Variants in ABI3BP observed in about 807,000 individuals in gnomAD.
ABI3BP encodes ABI family member 3 binding protein, also known as target of Nesh-SH3.
Under a neutral mutation model 268.6 loss-of-function variants are expected in ABI3BP, and 216 were observed. The observed-to-expected ratio is 0.80, with a 90% CI of 0.72 to 0.90. The LOEUF (loss-of-function observed/expected upper bound fraction) is 0.90. Among genes scored for constraint, ABI3BP ranks in the 40% least tolerant of loss-of-function variants. The pLI is 0.00. For synonymous variants in ABI3BP, 730 were observed against 730.0 expected (o/e 1.00, Z 0.00); for missense variants, 2,090 against 2,182.4 (o/e 0.96, Z 0.84).
At chr3:100,751,090 A>T (rs569337029) in intron 67 of ABI3BP, among the ~76,000 whole-genome samples, 1 of 152,174 alleles carries the variant, frequency 6.6e-6, no homozygotes, top group Non-Finnish European at 1.5e-5. Context: ...CTTGGTGCCA[A>T]TGGGTCTTTA....
At chr3:100,853,375 C>A (rs563066230) in intron 14 of ABI3BP, among the ~76,000 whole-genome samples, 1 of 152,082 alleles carries the variant, frequency 6.6e-6, no homozygotes, top group African/African-American at 2.4e-5. Context: ...CAAAAGTGCC[C>A]GCAATTTCTG....
chr3:100,795,840 C>T lies in ABI3BP; in HGVS notation c.3829G>A (p.Val1277Ile), dbSNP rs532476362. 2.6e-4 allele frequency: 331 copies of T among 1,287,706 alleles called. No individual in the cohort carries two copies. Among genetic ancestry groups the T allele is most frequent in the Admixed American group, 3.2e-4 (14 of 43,242 alleles). The allele number at this position is 1,287,706 out of a possible 1,614,324, so 79.8% of individuals were successfully genotyped here. ...VSQSEPVLQP[V>I]TFRFEPPKTT... ...TTTGGTGGCTCAAATCTAAAGGTAA[C>T]AGGCTGCAGAACTATGCCAAAAGCA... Residue 1277 changes from valine to isoleucine, a missense_variant, in exon 53 of 68, where the codon GTT (valine) becomes ATT (isoleucine). By Grantham distance (29) the Val-to-Ile change is conservative. Coordinates refer to ENST00000471714, the MANE Select transcript of ABI3BP (RefSeq NM_001375547.2).
chr3:100,918,004 TG>T (rs2059157055), intron 2 of ABI3BP, among the ~76,000 whole-genome samples: 1 of 152,142 alleles, frequency 6.6e-6, no homozygotes, highest in Non-Finnish European at 1.5e-5. Context: ...AAATCCCCTT[TG>T]AAGCTGAAGT....
At chr3:100,979,201 C>G (rs1471308019) in intron 1 of ABI3BP, among the ~76,000 whole-genome samples, 1 of 152,154 alleles carries the variant, frequency 6.6e-6, no homozygotes, top group Non-Finnish European at 1.5e-5. Flanking sequence ...CTTTGCTTCT[C>G]CATATACTGA....
chr3:100,759,059 T>C (rs2095799422), intron 63 of ABI3BP, among the ~76,000 whole-genome samples: 2 of 152,214 alleles, frequency 1.3e-5, no homozygotes, highest in South Asian at 4.1e-4. Flanking sequence ...TTTAATAAAC[T>C]TTTTAGTTAC....
intron 63 of ABI3BP, among the ~76,000 whole-genome samples, chr3:100,755,858 G>T (rs139974728): frequency 6.6e-6 from 1 of 152,080 alleles, no homozygotes; most frequent in Non-Finnish European, 1.5e-5. Flanking sequence ...GATAAATTTC[G>T]TCTTTGAGAA....
intron 20 of ABI3BP, chr3:100,843,741 A>G (rs1175345319): frequency 9.2e-6 from 9 of 982,668 alleles, no homozygotes; most frequent in Non-Finnish European, 1.1e-5. Context: ...TACATGAAAT[A>G]CAATAAATAT....
Position 100,864,074 on chromosome 3 carries a change from G to A in ABI3BP, c.1066C>T (p.Leu356Phe). 1 of 1,535,098 alleles carries A rather than the reference G, an allele frequency of 6.5e-7. No individual in the cohort carries two copies. The highest frequency in any genetic ancestry group is 8.7e-7 in the Non-Finnish European group (1 of 1,145,878). The change falls in exon 12 of 68, where the codon CTC (leucine) becomes TTC (phenylalanine). Residue 356 changes from leucine (L) to phenylalanine (F), a missense_variant and splice_region_variant. Transcript: ENST00000471714. ...AATGTTTCCGGGGTCCTTTTGCTGA[G>A]AACTACAATAAAAAAGAGTGCAGTT... ...ALDVSETTLVLSKRTPETLQT... is the reference protein window; with the variant it reads ...ALDVSETTLVFSKRTPETLQT...
intron 51 of ABI3BP, among the ~76,000 whole-genome samples, chr3:100,800,213 CT>C (rs34125273): frequency 0.34 from 48,983 of 143,652 alleles, 9,474 homozygotes; most frequent in African/African-American, 0.6. Flanking sequence ...GGCTATTAAT[CT>C]TTTTTTTTTT....
chr3:100,993,190 T>G, intron 1 of ABI3BP, 116 bp downstream of exon 1: 1 of 695,658 alleles, frequency 1.4e-6, no homozygotes. Context: ...ACTTTGAATC[T>G]CTGCAGAATA....
chr3:100,802,481 AG>A (rs2097560637), intron 51 of ABI3BP, among the ~76,000 whole-genome samples: 1 of 152,184 alleles, frequency 6.6e-6, no homozygotes, highest in Admixed American at 6.6e-5. Flanking sequence ...TGTGGAGAAA[AG>A]CCACTTTCAT....
At chr3:100,910,525 A>C in intron 2 of ABI3BP, among the ~76,000 whole-genome samples, 2 of 151,756 alleles carry the variant, frequency 1.3e-5, no homozygotes. Context: ...TTTCTTTCCT[A>C]TTCTTGCTTT....
intron 46 of ABI3BP, 56 bp downstream of exon 46, chr3:100,812,411 T>G (rs2097883867): frequency 8.6e-7 from 1 of 1,161,220 alleles, no homozygotes; most frequent in African/African-American, 1.6e-5. Flanking sequence ...AGAGATGACT[T>G]TGCAATGAGA....
In ABI3BP at chr3:100,849,423, C is replaced by T. The variant is rs182720899; in HGVS notation, c.1502-548G>A. Among the ~76,000 whole-genome samples, 408 of 152,006 alleles carry T rather than the reference C, an allele frequency of 2.7e-3. 3 individuals are homozygous for T. The highest frequency in any genetic ancestry group is 3.8e-3 in the Non-Finnish European group (255 of 67,968). ...ATTTTGACTAGAGATGGGATTTCAC[C>T]ATTTTGGCCATGCTGGTCTTGAACT... On this transcript the variant is annotated intron_variant, in intron 17 of 67. Coordinates refer to ENST00000471714, the MANE Select transcript of ABI3BP (RefSeq NM_001375547.2).
chr3:100,804,340 A>T (rs749828960), intron 51 of ABI3BP, among the ~76,000 whole-genome samples: 2 of 152,208 alleles, frequency 1.3e-5, no homozygotes, highest in Non-Finnish European at 2.9e-5. Context: ...TTTGTAAAAT[A>T]GAATAGTGAC....
chr3:100,774,693 A>C lies in ABI3BP; in HGVS notation c.4463-20T>G, dbSNP rs780241601. 6.5e-7 allele frequency: 1 copy of C among 1,531,150 alleles called. No homozygotes were observed. Among genetic ancestry groups the C allele is most frequent in the South Asian group, 1.2e-5 (1 of 80,846 alleles). 94.8% of individuals were successfully genotyped at this position (1,531,150 alleles called of 1,614,324 possible). A position where few individuals can be genotyped will look rare whatever the true frequency, so the allele number is the denominator to read the frequency against. ...TATTTTCTGAGAATGGAAAATAATG[A>C]ACAGTTTTGGCAAAAGATAAAAAAG... is the stretch of plus-strand genomic sequence containing the variant. On this transcript the variant is annotated intron_variant, in intron 60 of 67. Coordinates refer to ENST00000471714, the MANE Select transcript of ABI3BP (RefSeq NM_001375547.2).
At position 100,851,622 on chromosome 3, in the gene ABI3BP, C is replaced by T. The variant is rs199985209; in HGVS notation, c.1351+253G>A. 3.3e-5 allele frequency among the ~76,000 whole-genome samples: 5 copies of T among 152,350 alleles called. No homozygotes were observed. The East Asian group carries it at 9.6e-4, about 29-fold the overall frequency. On this transcript the variant is annotated intron_variant, in intron 15 of 67. Transcript: ENST00000471714. ...TTCTGAACAATTCATTAAGCTATTA[C>T]ATTACTTTTCCTCAGTGGCAACCAA...
chr3:100,771,315 A>G (rs1035665251), intron 61 of ABI3BP, among the ~76,000 whole-genome samples: 6 of 152,316 alleles, frequency 3.9e-5, no homozygotes, highest in African/African-American at 1.4e-4. Context: ...AATTTTAAAA[A>G]CTAGACTCAA....
intron 62 of ABI3BP, among the ~76,000 whole-genome samples, chr3:100,768,693 A>G (rs902710169): frequency 3.3e-5 from 5 of 152,324 alleles, no homozygotes; most frequent in Admixed American, 2.6e-4. Context: ...ATTGATAACA[A>G]TGAGGATTAT....
Sources: gnomAD v4.1 joint callset for allele counts (sites outside exome capture counted in the v4.1 genomes callset) on GRCh38, gnomAD v4.1.1 for gene constraint, MANE v1.5 for transcripts, NCBI Gene and HGNC (gene_info 2026-07-23, HGNC 2026-07-21) for gene names.